The following MEIS2 variants were observed in gnomAD, a reference collection of about 807,000 sequenced individuals.
MEIS2 encodes Meis homeobox 2.
Under a neutral mutation model 58.6 loss-of-function variants are expected in MEIS2, and 9 were observed. The observed-to-expected ratio is 0.15, with a 90% CI of 0.09 to 0.27. The LOEUF is 0.27. Ranked by LOEUF, MEIS2 falls within the 10% of genes least tolerant of loss-of-function variation. The probability of loss-of-function intolerance (pLI) is 1.00; values close to 1 mark genes in which losing one functional copy is unlikely to be tolerated. For missense variants in MEIS2, 427 were observed against 635.0 expected (o/e 0.67, Z 3.52); for synonymous variants, 221 against 228.4 (o/e 0.97, Z 0.29).
intron 9 of MEIS2, among the ~76,000 whole-genome samples, chr15:36,933,878 C>T (rs1043201757): frequency 4.6e-5 from 7 of 152,076 alleles, no homozygotes; most frequent in South Asian, 2.1e-4. Context: ...CTAATTGGTG[C>T]GATACAAGTG....
At chr15:37,051,989 T>A (rs1051194945) in intron 7 of MEIS2, among the ~76,000 whole-genome samples, 5 of 143,084 alleles carry the variant, frequency 3.5e-5, no homozygotes, top group Admixed American at 1.4e-4. Context: ...AAAAAAAAAA[T>A]ACCGATAATA....
intron 9 of MEIS2, among the ~76,000 whole-genome samples, chr15:36,926,378 C>T (rs2057750786): frequency 6.6e-6 from 1 of 152,118 alleles, no homozygotes; most frequent in Non-Finnish European, 1.5e-5. Context: ...TACAATTTCT[C>T]TCTTCACATT....
chr15:37,035,604 A>G (rs2062118240), intron 8 of MEIS2, among the ~76,000 whole-genome samples: 1 of 152,180 alleles, frequency 6.6e-6, no homozygotes, highest in South Asian at 2.1e-4. Context: ...GGCAAGAATA[A>G]CCACTACCAC....
intron 8 of MEIS2, among the ~76,000 whole-genome samples, chr15:36,974,738 T>C (rs942434220): frequency 6.6e-6 from 1 of 152,178 alleles, no homozygotes; most frequent in Admixed American, 6.5e-5. Context: ...CTGTTAAATC[T>C]GCGTGCCATG....
At chr15:37,016,052 A>C (rs1447844534) in intron 8 of MEIS2, among the ~76,000 whole-genome samples, 4 of 152,076 alleles carry the variant, frequency 2.6e-5, no homozygotes, top group Non-Finnish European at 2.9e-5. Flanking sequence ...GTATTCTTTG[A>C]TCCAGGAAAA....
intron 8 of MEIS2, among the ~76,000 whole-genome samples, chr15:37,020,995 A>T (rs2061507886): frequency 6.6e-6 from 1 of 152,160 alleles, no homozygotes; most frequent in Admixed American, 6.5e-5. Flanking sequence ...ATGCAGGGAC[A>T]GGGAGAAGGT....
intron 4 of MEIS2, chr15:37,094,965 G>A (rs111707287): frequency 1.4e-4 from 19 of 132,340 alleles, no homozygotes; most frequent in South Asian, 2.5e-4. Flanking sequence ...AAAAAAAAAA[G>A]GTCCCTTCTC....
At chr15:36,896,871 C>G (rs1173041093) in intron 9 of MEIS2, 185 bp from the exon 10 acceptor site, 11 of 559,910 alleles carry the variant, frequency 2.0e-5, no homozygotes, top group African/African-American at 1.7e-4. Flanking sequence ...GTCGTCACTG[C>G]GTAGTCAACT....
At chr15:36,995,983 A>ATG (rs1567159876) in intron 8 of MEIS2, among the ~76,000 whole-genome samples, 41 of 81,862 alleles carry the variant, frequency 5.0e-4, no homozygotes, top group Admixed American at 1.5e-3. Flanking sequence ...ATATATATAT[A>ATG]TATATATATA....
chr15:36,905,306 G>T (rs2056675826), intron 9 of MEIS2, among the ~76,000 whole-genome samples: 1 of 152,136 alleles, frequency 6.6e-6, no homozygotes, highest in African/African-American at 2.4e-5. Context: ...AAGGAGAAAA[G>T]AATGGTTGCT....
intron 9 of MEIS2, among the ~76,000 whole-genome samples, chr15:36,935,693 G>A (rs1485786956): frequency 6.6e-6 from 1 of 151,988 alleles, no homozygotes; most frequent in Non-Finnish European, 1.5e-5. Context: ...GGCAGTGTGT[G>A]GTGTATTAGA....
chr15:37,099,033 G>C (rs1288403537), intron 1 of MEIS2: 1 of 983,310 alleles, frequency 1.0e-6, no homozygotes, highest in Non-Finnish European at 1.2e-6. Flanking sequence ...CCCCGGCGGC[G>C]GCTCCTACGC....
chr15:37,071,982 G>A (rs1290058063), intron 7 of MEIS2, among the ~76,000 whole-genome samples: 1 of 152,036 alleles, frequency 6.6e-6, no homozygotes, highest in Non-Finnish European at 1.5e-5. Context: ...CTCGACTATG[G>A]TGCCTGCACT....
chr15:37,025,095 A>G (rs2061657322), intron 8 of MEIS2, among the ~76,000 whole-genome samples: 1 of 152,202 alleles, frequency 6.6e-6, no homozygotes, highest in Non-Finnish European at 1.5e-5. Context: ...TTCCAGACTT[A>G]GGGCAAAAGA....
intron 8 of MEIS2, among the ~76,000 whole-genome samples, chr15:37,006,984 T>C (rs1048312240): frequency 3.9e-5 from 6 of 152,360 alleles, no homozygotes; most frequent in Admixed American, 3.9e-4. Context: ...TCTGCCACCT[T>C]TTACTAGCTG....
chr15:37,015,927 T>C (rs960604175), intron 8 of MEIS2, among the ~76,000 whole-genome samples: 6 of 152,048 alleles, frequency 3.9e-5, no homozygotes, highest in Non-Finnish European at 8.8e-5. Context: ...AAGAAAACCA[T>C]CCTGTCCCCA....
chr15:36,938,039 TA>T (rs1247275609), intron 9 of MEIS2, among the ~76,000 whole-genome samples: 1 of 152,216 alleles, frequency 6.6e-6, no homozygotes, highest in Non-Finnish European at 1.5e-5. Flanking sequence ...TTGGAGATTT[TA>T]AACGATGTTT....
intron 9 of MEIS2, among the ~76,000 whole-genome samples, chr15:36,942,161 T>C (rs1045461488): frequency 6.6e-6 from 1 of 152,160 alleles, no homozygotes; most frequent in African/African-American, 2.4e-5. Flanking sequence ...GGGAGTTAGC[T>C]GAAAATCTCC....
chr15:36,909,949 T>C (rs1015998045), intron 9 of MEIS2, among the ~76,000 whole-genome samples: 4 of 151,724 alleles, frequency 2.6e-5, no homozygotes, highest in Non-Finnish European at 5.9e-5. Context: ...AAAGGAGAAA[T>C]AGAGGCACTT....
Sources: gnomAD v4.1 joint callset for allele counts (sites outside exome capture counted in the v4.1 genomes callset) on GRCh38, gnomAD v4.1.1 for gene constraint, MANE v1.5 for transcripts, NCBI Gene and HGNC (gene_info 2026-07-23, HGNC 2026-07-21) for gene names.